The following COG5 variants were observed in gnomAD, a reference collection of about 807,000 sequenced individuals.
COG5 encodes component of oligomeric golgi complex 5, also known as conserved oligomeric Golgi complex subunit 5.
Under a neutral mutation model 110.4 loss-of-function variants are expected in COG5, and 86 were observed. The observed-to-expected ratio is 0.78, with a 90% confidence interval of 0.65 to 0.93. The LOEUF is 0.93. Among genes scored for constraint, COG5 ranks in the 40% least tolerant of loss-of-function variants. The probability of loss-of-function intolerance (pLI) is 0.00; values close to 1 mark genes in which losing one functional copy is unlikely to be tolerated. For synonymous variants in COG5, 360 were observed against 334.6 expected (o/e 1.08, Z -0.83); for missense variants, 1,077 against 987.0 (o/e 1.09, Z -1.22).
At chr7:107,490,195 C>T (rs1459077130) in intron 6 of COG5, among the ~76,000 whole-genome samples, 1 of 152,036 alleles carries the variant, frequency 6.6e-6, no homozygotes, top group African/African-American at 2.4e-5. Flanking sequence ...AGTATCGTCC[C>T]CCATCCCGCT....
chr7:107,288,334 C>G (rs1035886826), intron 12 of COG5, among the ~76,000 whole-genome samples: 1 of 152,140 alleles, frequency 6.6e-6, no homozygotes, highest in African/African-American at 2.4e-5. Flanking sequence ...TGCACTCTAG[C>G]CTGGGCTACA....
At chr7:107,479,126 AAAG>A (rs796316119) in intron 6 of COG5, among the ~76,000 whole-genome samples, 68 of 152,212 alleles carry the variant, frequency 4.5e-4, no homozygotes, top group African/African-American at 1.6e-3. Context: ...AAATACTATA[AAAG>A]AAGAATAAAG....
intron 6 of COG5, chr7:107,473,083 A>G (rs1796737126): frequency 6.6e-6 from 1 of 151,854 alleles, no homozygotes; most frequent in Non-Finnish European, 1.5e-5. Flanking sequence ...CTTCACAGGT[A>G]ATGTGTAACT....
chr7:107,270,645 A>C (rs1054940953), intron 14 of COG5, among the ~76,000 whole-genome samples: 6 of 151,368 alleles, frequency 4.0e-5, no homozygotes, highest in South Asian at 2.1e-4. Context: ...ACACACACAC[A>C]CCCCTTTACT....
At chr7:107,469,476 T>C (rs1212740371) in intron 6 of COG5, among the ~76,000 whole-genome samples, 1 of 152,100 alleles carries the variant, frequency 6.6e-6, no homozygotes, top group East Asian at 1.9e-4. Context: ...TGATTATTAT[T>C]TTGAATGAAT....
intron 19 of COG5, among the ~76,000 whole-genome samples, chr7:107,219,713 T>A (rs768057781): frequency 6.6e-6 from 1 of 152,104 alleles, no homozygotes; most frequent in Non-Finnish European, 1.5e-5. Flanking sequence ...AGTTAAAGGG[T>A]ACAAAGTTAC....
intron 6 of COG5, among the ~76,000 whole-genome samples, chr7:107,524,818 T>A (rs553447233): frequency 3.8e-4 from 58 of 152,352 alleles, no homozygotes; most frequent in African/African-American, 1.2e-3. Flanking sequence ...ACAATCTTTA[T>A]AAAAACTTTA....
At chr7:107,512,184 C>A (rs536229194) in intron 6 of COG5, among the ~76,000 whole-genome samples, 2 of 152,268 alleles carry the variant, frequency 1.3e-5, no homozygotes, top group Admixed American at 1.3e-4. Context: ...AGCTGATAAG[C>A]AACTTCAGCA....
At chr7:107,507,553 C>A (rs1215324239) in intron 6 of COG5, among the ~76,000 whole-genome samples, 1 of 151,048 alleles carries the variant, frequency 6.6e-6, no homozygotes, top group Non-Finnish European at 1.5e-5. Flanking sequence ...GTGATCCACC[C>A]GCCTCAGCCT....
chr7:107,245,963 T>A (rs1802022532), intron 17 of COG5, among the ~76,000 whole-genome samples: 1 of 152,146 alleles, frequency 6.6e-6, no homozygotes, highest in Non-Finnish European at 1.5e-5. Context: ...GACTTCAAAC[T>A]AAACTACAAG....
chr7:107,340,122 A>C (rs1260224056), intron 10 of COG5, among the ~76,000 whole-genome samples: 2 of 152,214 alleles, frequency 1.3e-5, no homozygotes, highest in Non-Finnish European at 2.9e-5. Context: ...AGGCTGATAG[A>C]CCACTAGCTA....
chr7:107,517,872 A>G (rs902023153), intron 6 of COG5, among the ~76,000 whole-genome samples: 4 of 151,642 alleles, frequency 2.6e-5, no homozygotes, highest in African/African-American at 9.7e-5. Context: ...TAATTTTTCT[A>G]TTTTCAGTAG....
At chr7:107,533,848 C>T (rs1461162013) in intron 5 of COG5, among the ~76,000 whole-genome samples, 1 of 151,290 alleles carries the variant, frequency 6.6e-6, no homozygotes, top group Non-Finnish European at 1.5e-5. Flanking sequence ...AAGAACAACC[C>T]CAAGACAGAT....
intron 21 of COG5, among the ~76,000 whole-genome samples, chr7:107,204,792 G>C (rs561582462): frequency 1.4e-4 from 22 of 152,082 alleles, no homozygotes; most frequent in Non-Finnish European, 8.8e-5. Flanking sequence ...TCCAGCCCTC[G>C]ACCTCCCCCT....
intron 19 of COG5, among the ~76,000 whole-genome samples, chr7:107,229,640 C>T (rs903160243): frequency 5.3e-5 from 8 of 152,118 alleles, no homozygotes; most frequent in Non-Finnish European, 1.2e-4. Flanking sequence ...GTGTTCAGCA[C>T]TGACAAGGAC....
chr7:107,416,311 T>C (rs369777301), intron 6 of COG5, among the ~76,000 whole-genome samples: 2 of 151,832 alleles, frequency 1.3e-5, no homozygotes, highest in African/African-American at 4.8e-5. Flanking sequence ...AGAGTGAAAA[T>C]AGACAAATGA....
At chr7:107,411,311 AAAAAGG>A (rs1792275772) in intron 7 of COG5, among the ~76,000 whole-genome samples, 3 of 152,220 alleles carry the variant, frequency 2.0e-5, no homozygotes, top group African/African-American at 7.2e-5. Context: ...GAAGATCTAA[AAAAAGG>A]TATCTTCTCT....
At chr7:107,379,683 A>C (rs1171010903) in intron 7 of COG5, among the ~76,000 whole-genome samples, 1 of 152,092 alleles carries the variant, frequency 6.6e-6, no homozygotes, top group African/African-American at 2.4e-5. Flanking sequence ...AAAGACAAAG[A>C]AGCGCATTAC....
At chr7:107,475,510 T>C (rs1796920200) in intron 6 of COG5, 3 of 517,654 alleles carry the variant, frequency 5.8e-6, no homozygotes, top group South Asian at 3.8e-5. Context: ...AGATAGGTCA[T>C]ATATATTCAA....
Sources: gnomAD v4.1 joint callset for allele counts (sites outside exome capture counted in the v4.1 genomes callset) on GRCh38, gnomAD v4.1.1 for gene constraint, MANE v1.5 for transcripts, NCBI Gene and HGNC (gene_info 2026-07-23, HGNC 2026-07-21) for gene names.